Variants in RORA observed in about 807,000 individuals in gnomAD.
RORA encodes the protein nuclear receptor ROR-alpha.
In RORA, 7 loss-of-function variants were observed where a neutral mutation model predicts 69.5. That is an observed-to-expected ratio of 0.10 (90% CI 0.06 to 0.19). The LOEUF (loss-of-function observed/expected upper bound fraction) is 0.19, where lower values mean the gene tolerates loss of function less well. Among genes scored for constraint, RORA ranks in the 10% least tolerant of loss-of-function variants. The pLI, the probability that RORA is intolerant of heterozygous loss-of-function variation, is 1.00. For synonymous variants in RORA, 261 were observed against 240.8 expected (o/e 1.08, Z -0.78); for missense variants, 457 against 663.0 (o/e 0.69, Z 3.41).
chr15:60,762,435 G>T (rs2071908420), intron 1 of RORA, among the ~76,000 whole-genome samples: 1 of 152,146 alleles, frequency 6.6e-6, no homozygotes, highest in Non-Finnish European at 1.5e-5. Flanking sequence ...CAAACCAGAG[G>T]CCTGGGCCTT....
At chr15:60,883,159 AGAGAGAG>A (rs1567224676) in intron 1 of RORA, among the ~76,000 whole-genome samples, 1 of 91,610 alleles carries the variant, frequency 1.1e-5, no homozygotes, top group Non-Finnish European at 2.3e-5. Flanking sequence ...AAAGAAAGAG[AGAGAGAG>A]AGAGAGAGAG....
At chr15:60,863,696 T>A (rs2140427594) in intron 1 of RORA, among the ~76,000 whole-genome samples, 1 of 152,374 alleles carries the variant, frequency 6.6e-6, no homozygotes, top group South Asian at 2.1e-4. Flanking sequence ...AACTGTTTAG[T>A]AGACTGTTTC....
At chr15:60,868,375 GTCAAGCTC>G (rs962981469) in intron 1 of RORA, among the ~76,000 whole-genome samples, 2 of 152,202 alleles carry the variant, frequency 1.3e-5, no homozygotes, top group African/African-American at 2.4e-5. Context: ...GTTGGTACAT[GTCAAGCTC>G]TCAAGCTCTT....
At position 60,542,642 on chromosome 15, in the gene RORA, C is replaced by T. The variant is rs545834667; in HGVS notation, c.197-10791G>A. On this transcript the variant is annotated intron_variant, in intron 2 of 10. Transcript: ENST00000335670. ...ACGGCACACATGCACACCTCACACA[C>T]GACACACGGGCACACCTCACACACA... Among the ~76,000 whole-genome samples the T allele has an allele frequency of 2.0e-3, 230 of 117,396 alleles. 2 individuals carry two copies. Among genetic ancestry groups the T allele is most frequent in the African/African-American group, 8.0e-3 (207 of 25,994 alleles). 77.0% of individuals were successfully genotyped at this position (117,396 alleles called of 152,430 possible). A position where few individuals can be genotyped will look rare whatever the true frequency, so the allele number is the denominator to read the frequency against.
At chr15:61,092,877 T>C (rs1208821504) in intron 1 of RORA, among the ~76,000 whole-genome samples, 2 of 152,154 alleles carry the variant, frequency 1.3e-5, no homozygotes, top group Non-Finnish European at 2.9e-5. Context: ...AAGCTGGAGA[T>C]TTAGGGGCTC....
chr15:60,880,911 C>T (rs535983561), intron 1 of RORA, among the ~76,000 whole-genome samples: 2 of 152,292 alleles, frequency 1.3e-5, no homozygotes, highest in South Asian at 4.1e-4. Context: ...AAAGGTGAGG[C>T]AGGTACTAAT....
chr15:60,721,420 A>G lies in RORA; in HGVS notation c.167-42734T>C, dbSNP rs186243541. ...AATAGCCAAGCACCTCCCTGAGGAGACCAAGGCTGGGCTTCCATTACAATA... is the reference window on the plus strand; with the variant it reads ...AATAGCCAAGCACCTCCCTGAGGAGGCCAAGGCTGGGCTTCCATTACAATA... On this transcript the variant is annotated intron_variant, in intron 1 of 10. Coordinates refer to ENST00000335670, the MANE Select transcript of RORA (RefSeq NM_134261.3). Among the ~76,000 whole-genome samples the G allele has an allele frequency of 3.3e-4, 51 of 152,360 alleles. No individual in the cohort carries two copies. In the East Asian group the frequency reaches 9.1e-3, roughly 27 times the overall value.
chr15:61,140,122 C>G (rs2079284316), intron 1 of RORA, among the ~76,000 whole-genome samples: 2 of 152,318 alleles, frequency 1.3e-5, no homozygotes, highest in Admixed American at 6.5e-5. Context: ...AGAAAAATTT[C>G]TCTTCAACAT....
rs528932402 is a variant in RORA at position 61,198,383 on chromosome 15, A to C, written c.166+30670T>G. Among the ~76,000 whole-genome samples the C allele has an allele frequency of 2.6e-5, 4 of 152,264 alleles. No individual in the cohort carries two copies. In the South Asian group the frequency reaches 8.3e-4, roughly 32 times the overall value. On this transcript the variant is annotated intron_variant, in intron 1 of 10. Coordinates refer to ENST00000335670, the MANE Select transcript of RORA (RefSeq NM_134261.3). ...AGACTTGAGTGCTGATGATTTACCC[A>C]CATTCTCATCTTTGTCATATCCACA...
chr15:61,035,646 C>G (rs1373978882), intron 1 of RORA, among the ~76,000 whole-genome samples: 2 of 152,104 alleles, frequency 1.3e-5, no homozygotes, highest in Non-Finnish European at 2.9e-5. Flanking sequence ...GGCAGGTAAG[C>G]TGAATGATAG....
At chr15:61,118,757 A>AC (rs1555412514) in intron 1 of RORA, among the ~76,000 whole-genome samples, 2 of 150,290 alleles carry the variant, frequency 1.3e-5, no homozygotes, top group Non-Finnish European at 3.0e-5. Flanking sequence ...AGGAGGAATG[A>AC]TTTTTTTTTT....
chr15:60,863,917 C>T (rs7165436), intron 1 of RORA, among the ~76,000 whole-genome samples: 60,569 of 151,780 alleles, frequency 0.4, 12,661 homozygotes, highest in East Asian at 0.61. Flanking sequence ...AGCAATTCTT[C>T]TTCCTCAGCC....
intron 1 of RORA, among the ~76,000 whole-genome samples, chr15:61,176,644 A>G (rs1337293176): frequency 6.6e-6 from 1 of 152,158 alleles, no homozygotes; most frequent in Non-Finnish European, 1.5e-5. Context: ...AACTGCTTAA[A>G]AACATGCTTA....
chr15:60,980,991 G>A (rs936492386), intron 1 of RORA, among the ~76,000 whole-genome samples: 21 of 151,854 alleles, frequency 1.4e-4, no homozygotes, highest in Admixed American at 6.6e-5. Flanking sequence ...TGTAGGTCAG[G>A]TGTCATAGTG....
chr15:61,219,287 T>G (rs1470252858), intron 1 of RORA, among the ~76,000 whole-genome samples: 1 of 152,204 alleles, frequency 6.6e-6, no homozygotes, highest in Admixed American at 6.5e-5. Flanking sequence ...CTTAATAGCC[T>G]CATTAGGCTG....
At position 60,488,953 on chromosome 15, in the gene RORA, A is replaced by T. The variant is rs1397938530; in HGVS notation, c.*8502T>A. 1.3e-5 allele frequency: 2 copies of T among 152,218 alleles called. No individual in the cohort carries two copies. Among genetic ancestry groups the T allele is most frequent in the East Asian group, 3.8e-4 (2 of 5,196 alleles). The allele number at this position is 152,218 out of a possible 1,614,324, so 9.4% of individuals were successfully genotyped here. ...CCGTAAGGCTTGGCTTACTTTGTAAATTTAACAAAACAACCCAGGAAAAAC... is the reference window on the plus strand; with the variant it reads ...CCGTAAGGCTTGGCTTACTTTGTAATTTTAACAAAACAACCCAGGAAAAAC... On this transcript the variant is annotated 3_prime_UTR_variant, in exon 11 of 11. Transcript: ENST00000335670.
At chr15:61,007,598 G>A (rs1894946210) in intron 1 of RORA, among the ~76,000 whole-genome samples, 1 of 150,866 alleles carries the variant, frequency 6.6e-6, no homozygotes, top group Non-Finnish European at 1.5e-5. Flanking sequence ...ATACCTTTAC[G>A]GTCATAGGAT....
At chr15:60,506,355 C>A (rs913224590) in intron 5 of RORA, among the ~76,000 whole-genome samples, 6 of 152,074 alleles carry the variant, frequency 3.9e-5, no homozygotes, top group Non-Finnish European at 8.8e-5. Flanking sequence ...TTAGAATGTG[C>A]TACAGAATAT....
chr15:60,862,598 A>T (rs142622010), intron 1 of RORA, among the ~76,000 whole-genome samples: 7 of 152,370 alleles, frequency 4.6e-5, no homozygotes, highest in African/African-American at 1.4e-4. Context: ...CACTCCCAGA[A>T]GCTAAAGGAA....
Sources: allele counts gnomAD v4.1 joint callset (sites outside exome capture counted in the v4.1 genomes callset), GRCh38; gene constraint gnomAD v4.1.1; transcripts MANE v1.5; gene names NCBI Gene and HGNC (gene_info 2026-07-23, HGNC 2026-07-21).